SH3D21: variants seen among roughly 807,000 people sequenced by gnomAD.
SH3D21 encodes the protein manchette microtubule inner protein 1.
A neutral mutation model predicts 82.1 loss-of-function variants in SH3D21; 83 were observed. The ratio of observed to expected loss-of-function variants is 1.01; its 90% CI spans 0.85 to 1.21. SH3D21 has a LOEUF of 1.21. Ranked by LOEUF, SH3D21 falls within the 50% of genes most tolerant of loss-of-function variation. SH3D21 has a pLI of 0.00. For synonymous variants in SH3D21, 383 were observed against 387.8 expected, an observed-to-expected ratio of 0.99 and a Z score of 0.15; for missense variants, 980 against 962.1, an observed-to-expected ratio of 1.02 and a Z score of -0.25.
rs761729173 is a variant in SH3D21 at position 36,319,520 on chromosome 1, GCT to G, written c.998_999del (p.Ser333CysfsTer48). On this transcript the variant is annotated frameshift_variant, in exon 13 of 16. Transcript: ENST00000453908. LOFTEE classifies it high-confidence loss of function. ...TCCAAAACCCAGACTCCCCAGCAAC[GCT>G]CTGTGTCCAGTCAGGTGAGGGGCGG... The G allele has an allele frequency of 1.9e-5, 29 of 1,551,584 alleles. No homozygotes were observed. The highest frequency in any genetic ancestry group is 2.5e-5 in the Non-Finnish European group (29 of 1,147,002).
At position 36,320,220 on chromosome 1, in the gene SH3D21, A is replaced by C; in HGVS notation, c.1557A>C (p.Val519=). The change falls in exon 14 of 16, where the codon GTA becomes GTC. Residue 519 remains valine (V), a synonymous_variant. Coordinates refer to ENST00000453908, the MANE Select transcript of SH3D21 (RefSeq NM_001162530.2). ...EEALQKVKYF[V]AKEDPSSQEE... ...CCCTGCAGAAGGTCAAGTACTTTGT[A>C]GCCAAAGAGGATCCATCATCCCAGG... 6.2e-7 allele frequency: 1 copy of C among 1,613,258 alleles called. No individual in the cohort carries two copies.
chr1:36,316,759 CTCTCTT>C (rs1289950198), intron 10 of SH3D21, among the ~76,000 whole-genome samples: 22 of 136,158 alleles, frequency 1.6e-4, no homozygotes, highest in Non-Finnish European at 2.5e-4. Flanking sequence ...CTTCAGTTCT[CTCTCTT>C]TTTTTTTTTT....
At position 36,320,693 on chromosome 1, in the gene SH3D21, C is replaced by T. The variant is rs371816684; in HGVS notation, c.2030C>T (p.Pro677Leu). The change falls in exon 14 of 16, where the codon CCG (proline) becomes CTG (leucine). Residue 677 changes from proline to leucine, a missense_variant. By Grantham distance (98) the Pro-to-Leu change is moderately conservative. Transcript: ENST00000453908. ...ACGCTCGCGCTCCCCTCGCTGGTCC[C>T]GCAAAACTACACGGAAAACAAGAAT... ...QETLALPSLV[P>L]QNYTENKNEG... 4.3e-6 allele frequency: 7 copies of T among 1,614,072 alleles called. No individual in the cohort carries two copies. The African/African-American group carries it at 6.7e-5, about 15-fold the overall frequency.
chr1:36,327,654 G>A (rs551805674), downstream of SH3D21: 12 of 1,193,214 alleles, frequency 1.0e-5, no homozygotes, highest in South Asian at 1.7e-4. Flanking sequence ...GATGAGGGTT[G>A]AGATGATGGT....
downstream of SH3D21, among the ~76,000 whole-genome samples, chr1:36,326,575 G>A (rs1468642102): frequency 3.3e-5 from 5 of 152,152 alleles, no homozygotes; most frequent in South Asian, 2.1e-4. Flanking sequence ...CTCCTGGAGC[G>A]TTGAGCAGGG....
In SH3D21 at chr1:36,319,511, C is replaced by T. The variant is rs369660894; in HGVS notation, c.986C>T (p.Pro329Leu). 5.2e-6 allele frequency: 8 copies of T among 1,551,570 alleles called. No homozygotes were observed. The highest frequency in any genetic ancestry group is 6.1e-6 in the Non-Finnish European group (7 of 1,147,002). Residue 329 changes from proline (P) to leucine (L), a missense_variant, in exon 13 of 16, where the codon CCC becomes CTC. By Grantham distance (98) the Pro-to-Leu change is moderately conservative (BLOSUM62 -3). Coordinates refer to ENST00000453908, the MANE Select transcript of SH3D21 (RefSeq NM_001162530.2). ...PGRKRSKTQT[P>L]QQRSVSSQEE... is the part of the protein sequence containing the mutation. ...CGAAAGCGATCCAAAACCCAGACTC[C>T]CCAGCAACGCTCTGTGTCCAGTCAG...
rs774514258 is a variant in SH3D21 at position 36,320,475 on chromosome 1, G to GC, written c.1818dup (p.Asn607GlnfsTer31). 8 of 1,613,540 alleles carry GC rather than the reference G, an allele frequency of 5.0e-6. No homozygotes were observed. The highest frequency in any genetic ancestry group is 1.7e-5 in the Admixed American group (1 of 59,884). ...ACGAGAGGACCCCTGAAGAGGAGGC[G>GC]CCCCCCAACGAGCAGAGGCCTCTGA... On this transcript the variant is annotated frameshift_variant, in exon 14 of 16. Transcript: ENST00000453908. LOFTEE classifies it high-confidence loss of function.
downstream of SH3D21, chr1:36,323,038 G>A (rs752346350): frequency 1.6e-5 from 25 of 1,601,830 alleles, no homozygotes; most frequent in Admixed American, 3.6e-5. Context: ...GGGCATCCAT[G>A]CTGCTCTGGG....
chr1:36,314,921 C>G (rs1430768905), intron 10 of SH3D21, among the ~76,000 whole-genome samples: 1 of 152,114 alleles, frequency 6.6e-6, no homozygotes, highest in Non-Finnish European at 1.5e-5. Flanking sequence ...ACAGTTTGCC[C>G]TACCCTGCAG....
chr1:36,324,468 C>G (rs1198874620), downstream of SH3D21: 1 of 152,316 alleles, frequency 6.6e-6, no homozygotes. Flanking sequence ...ACGGGGCCCC[C>G]CCATCATGGA....
Position 36,319,754 on chromosome 1 carries a change from GGCCCCCAGCTCCAGAGAAC to G in SH3D21, c.1105_1123del (p.Glu369ArgfsTer18), listed in dbSNP as rs751719042. ...CCGGACAAGACTGCCACCCCAGAGA[GGCCCCCAGCTCCAGAGAAC>G]GCCCCCAGCTCCAAGAAGATCCCGG... On this transcript the variant is annotated frameshift_variant, in exon 14 of 16. Transcript: ENST00000453908. LOFTEE classifies it high-confidence loss of function. 8.4e-5 allele frequency: 135 copies of G among 1,604,578 alleles called. No individual in the cohort carries two copies. The highest frequency in any genetic ancestry group is 1.8e-4 in the South Asian group (16 of 89,896).
At chr1:36,328,181 T>G (rs1385407503), downstream of SH3D21, 1 of 454,816 alleles carries the variant, frequency 2.2e-6, no homozygotes, top group South Asian at 1.5e-5. Flanking sequence ...CAGGCCTTGA[T>G]GGAAGGTTGG....
At chr1:36,326,036 G>A (rs1212120049), downstream of SH3D21, among the ~76,000 whole-genome samples, 1 of 152,182 alleles carries the variant, frequency 6.6e-6, no homozygotes, top group Non-Finnish European at 1.5e-5. Context: ...CATCCACAGT[G>A]AGACCTGAAT....
downstream of SH3D21, chr1:36,328,302 A>C (rs1055616901): frequency 2.4e-5 from 9 of 374,418 alleles, no homozygotes; most frequent in South Asian, 1.8e-4. Context: ...GCCAAACTGA[A>C]GGCTTGCCCT....
rs1646168235 is a variant in SH3D21 at position 36,308,180 on chromosome 1, AG to A, written c.616del (p.Asp206ThrfsTer3). On this transcript the variant is annotated frameshift_variant, in exon 8 of 16. Coordinates refer to ENST00000453908, the MANE Select transcript of SH3D21 (RefSeq NM_001162530.2). LOFTEE classifies it high-confidence loss of function. ...PEAPDELALR[R>X]GDVVKVLSKT... ...GGCCCCAGACGAGTTGGCGCTGCGG[AG>A]GGGGGACGTGGTAAAAGTACTCAGC... The A allele has an allele frequency of 3.9e-6, 6 of 1,544,502 alleles. No homozygotes were observed. The highest frequency in any genetic ancestry group is 4.4e-6 in the Non-Finnish European group (5 of 1,143,508).
intron 13 of SH3D21, 47 bp downstream of exon 13, chr1:36,319,583 G>C: frequency 3.2e-6 from 5 of 1,551,064 alleles, no homozygotes; most frequent in Non-Finnish European, 4.4e-6. Context: ...GGCAGAGGCT[G>C]GTTCCCAGCT....
downstream of SH3D21, chr1:36,321,607 A>C: frequency 1.1e-6 from 1 of 941,856 alleles, no homozygotes; most frequent in Non-Finnish European, 1.3e-6. This position sits in a 1 kb window ranked among gnomAD's most constrained non-coding sequence, Gnocchi z 6.1. Flanking sequence ...GCTTGAACGC[A>C]CCTCGGCGCA....
At position 36,320,705 on chromosome 1, in the gene SH3D21, C is replaced by T; in HGVS notation, c.2042C>T (p.Thr681Met). The T allele has an allele frequency of 6.2e-7, 1 of 1,614,096 alleles. No individual in the cohort carries two copies. The highest frequency in any genetic ancestry group is 8.5e-7 in the Non-Finnish European group (1 of 1,179,982). ...CCCTCGCTGGTCCCGCAAAACTACA[C>T]GGAAAACAAGAATGAAGGAGTTGAT... is the stretch of plus-strand genomic sequence containing the variant. Reference protein sequence around the residue: ...ALPSLVPQNYTENKNEGVDVT... With the variant: ...ALPSLVPQNYMENKNEGVDVT... The change falls in exon 14 of 16, where the codon ACG (threonine) becomes ATG (methionine). Residue 681 changes from threonine to methionine, a missense_variant. Coordinates refer to ENST00000453908, the MANE Select transcript of SH3D21 (RefSeq NM_001162530.2).
intron 10 of SH3D21, among the ~76,000 whole-genome samples, chr1:36,312,226 T>C (rs367903830): frequency 3.3e-5 from 5 of 151,950 alleles, no homozygotes; most frequent in East Asian, 1.9e-4. Flanking sequence ...GGTTTCACCA[T>C]GTTAGCCAGG....
Sources: allele counts gnomAD v4.1 joint callset (sites outside exome capture counted in the v4.1 genomes callset), GRCh38; gene constraint gnomAD v4.1.1; non-coding constraint Gnocchi (gnomAD v3.1); transcripts MANE v1.5; gene names NCBI Gene and HGNC (gene_info 2026-07-23, HGNC 2026-07-21).